PTPRT: variants seen among roughly 807,000 people sequenced by gnomAD.
PTPRT encodes the protein protein tyrosine phosphatase receptor type T.
Under a neutral mutation model 176.8 loss-of-function variants are expected in PTPRT, and 56 were observed. The observed-to-expected ratio is 0.32, with a 90% CI of 0.26 to 0.40. The LOEUF (loss-of-function observed/expected upper bound fraction) is 0.40. Among genes scored for constraint, PTPRT ranks in the 10% least tolerant of loss-of-function variants. The probability of loss-of-function intolerance (pLI) is 1.00; values close to 1 mark genes in which losing one functional copy is unlikely to be tolerated. For synonymous variants in PTPRT, 783 were observed against 739.0 expected, an observed-to-expected ratio of 1.06 and a Z score of -0.96; for missense variants, 1,540 against 1,908.2, an observed-to-expected ratio of 0.81 and a Z score of 3.60.
chr20:42,357,825 G>A (rs1051007029), intron 9 of PTPRT, among the ~76,000 whole-genome samples: 68 of 152,148 alleles, frequency 4.5e-4, no homozygotes, highest in South Asian at 2.9e-3. Context: ...GAGGCAGGAG[G>A]ATCACTTGAG....
chr20:42,251,695 G>A (rs2056553288), intron 13 of PTPRT, among the ~76,000 whole-genome samples: 1 of 149,440 alleles, frequency 6.7e-6, no homozygotes, highest in Non-Finnish European at 1.5e-5. Flanking sequence ...CTTGCCTAAT[G>A]GGGCAAGCAC....
intron 11 of PTPRT, among the ~76,000 whole-genome samples, chr20:42,350,084 G>A (rs960885720): frequency 2.6e-5 from 4 of 152,026 alleles, no homozygotes; most frequent in Admixed American, 2.6e-4. Context: ...TACTGGCAGT[G>A]ACACAAAGAA....
chr20:42,988,749 T>C (rs1036806426), intron 1 of PTPRT, among the ~76,000 whole-genome samples: 1 of 152,088 alleles, frequency 6.6e-6, no homozygotes, highest in African/African-American at 2.4e-5. Flanking sequence ...GCAGCAGAGA[T>C]GAACATTGAG....
At chr20:42,167,560 C>A (rs1405070738) in intron 16 of PTPRT, among the ~76,000 whole-genome samples, 2 of 152,190 alleles carry the variant, frequency 1.3e-5, no homozygotes, top group African/African-American at 2.4e-5. Context: ...TTCATCCTAG[C>A]TCCATGTGCT....
the PTPRT span, among the ~76,000 whole-genome samples, chr20:42,042,541 G>C: frequency 6.6e-6 from 1 of 152,126 alleles, no homozygotes. Context: ...CAGATTGCTG[G>C]TGCATATTCT....
intron 1 of PTPRT, among the ~76,000 whole-genome samples, chr20:43,178,723 C>T (rs1041269338): frequency 6.6e-6 from 1 of 152,172 alleles, no homozygotes; most frequent in Non-Finnish European, 1.5e-5. Context: ...ACCTAGACAC[C>T]TAGAACATGG....
intron 23 of PTPRT, among the ~76,000 whole-genome samples, 175 bp downstream of exon 23, chr20:42,110,158 T>TGCCTCA (rs1986881628): frequency 6.6e-6 from 1 of 151,966 alleles, no homozygotes; most frequent in Admixed American, 6.5e-5. Context: ...GCGATTCCTC[T>TGCCTCA]GCCTCAGCCT....
At chr20:42,360,007 G>A (rs1281294848) in intron 9 of PTPRT, among the ~76,000 whole-genome samples, 2 of 152,202 alleles carry the variant, frequency 1.3e-5, no homozygotes, top group Non-Finnish European at 2.9e-5. Context: ...CCTGCTCTCT[G>A]ACTTCAGCTG....
chr20:42,121,510 G>T (rs1600549490), intron 19 of PTPRT, among the ~76,000 whole-genome samples: 1 of 152,232 alleles, frequency 6.6e-6, no homozygotes, highest in East Asian at 1.9e-4. Flanking sequence ...CAGCATGGTG[G>T]TTATGCGTAC....
intron 8 of PTPRT, among the ~76,000 whole-genome samples, chr20:42,460,585 A>T (rs964764713): frequency 6.6e-6 from 1 of 152,294 alleles, no homozygotes; most frequent in African/African-American, 2.4e-5. Flanking sequence ...CATAATCTCT[A>T]CATGTCAAGG....
At chr20:42,625,090 G>A (rs561523875) in intron 7 of PTPRT, among the ~76,000 whole-genome samples, 12 of 152,238 alleles carry the variant, frequency 7.9e-5, no homozygotes, top group South Asian at 4.2e-4. Flanking sequence ...CTGACACAGC[G>A]GCCCCACAAA....
intron 9 of PTPRT, among the ~76,000 whole-genome samples, chr20:42,355,662 A>T (rs1446531297): frequency 1.3e-5 from 2 of 152,182 alleles, no homozygotes; most frequent in East Asian, 3.9e-4. Context: ...ACTGTGGCAG[A>T]AAAGGGGAGA....
chr20:42,320,693 T>C (rs1378028893), intron 11 of PTPRT, among the ~76,000 whole-genome samples: 1 of 152,156 alleles, frequency 6.6e-6, no homozygotes, highest in South Asian at 2.1e-4. Flanking sequence ...AAGGGTGTGA[T>C]ATCAGGCAAA....
At chr20:42,890,172 T>A (rs1318096680) in intron 1 of PTPRT, among the ~76,000 whole-genome samples, 1 of 152,154 alleles carries the variant, frequency 6.6e-6, no homozygotes, top group African/African-American at 2.4e-5. Flanking sequence ...AAACACACAA[T>A]TCAGTAAAAG....
chr20:43,092,977 A>C (rs577191184), intron 1 of PTPRT, among the ~76,000 whole-genome samples: 1 of 152,368 alleles, frequency 6.6e-6, no homozygotes, highest in South Asian at 2.1e-4. Context: ...ACACACATAT[A>C]CAATGATTAC....
intron 7 of PTPRT, among the ~76,000 whole-genome samples, chr20:42,597,391 T>C (rs1315373808): frequency 6.6e-6 from 1 of 152,214 alleles, no homozygotes; most frequent in East Asian, 1.9e-4. Context: ...TCTATGGCGA[T>C]ATGGTTTGGA....
chr20:43,106,973 A>G (rs754746235), intron 1 of PTPRT, among the ~76,000 whole-genome samples: 7 of 151,922 alleles, frequency 4.6e-5, no homozygotes, highest in Non-Finnish European at 8.8e-5. Flanking sequence ...TATTTTTAGT[A>G]GAGATGGGGT....
At chr20:42,139,450 G>C (rs1988524002) in intron 18 of PTPRT, among the ~76,000 whole-genome samples, 1 of 152,186 alleles carries the variant, frequency 6.6e-6, no homozygotes, top group Non-Finnish European at 1.5e-5. Flanking sequence ...GGAAGAGAAG[G>C]CAGCTTATTA....
chr20:43,033,941 G>A (rs1470455761), intron 1 of PTPRT, among the ~76,000 whole-genome samples: 3 of 152,124 alleles, frequency 2.0e-5, no homozygotes, highest in Non-Finnish European at 4.4e-5. Context: ...ACCGCACTAC[G>A]CCTTCACCTT....
Sources: allele counts gnomAD v4.1 joint callset (sites outside exome capture counted in the v4.1 genomes callset), GRCh38; gene constraint gnomAD v4.1.1; transcripts MANE v1.5; gene names NCBI Gene and HGNC (gene_info 2026-07-23, HGNC 2026-07-21).